Variants in STARD13 observed in about 807,000 individuals in gnomAD.
The protein encoded by STARD13 is StAR related lipid transfer domain containing 13.
STARD13 carries 62 observed loss-of-function variants against 106.4 expected under a neutral mutation model. The ratio of observed to expected loss-of-function variants is 0.58; its 90% CI spans 0.48 to 0.72. The LOEUF is 0.72. Ranked by LOEUF, STARD13 falls within the 30% of genes least tolerant of loss-of-function variation. The pLI is 0.00. For missense variants in STARD13, 1,387 were observed against 1,424.0 expected (o/e 0.97, Z 0.42); for synonymous variants, 565 against 553.0 (o/e 1.02, Z -0.31).
the STARD13 span, among the ~76,000 whole-genome samples, chr13:33,623,555 G>T: frequency 6.6e-6 from 1 of 151,708 alleles, no homozygotes; most frequent in South Asian, 2.1e-4. Flanking sequence ...TGGTAATAGG[G>T]TTATTTTCGC....
At chr13:33,337,597 C>A (rs186424089) in intron 1 of STARD13, among the ~76,000 whole-genome samples, 14 of 152,278 alleles carry the variant, frequency 9.2e-5, no homozygotes, top group Non-Finnish European at 1.5e-5. Context: ...AAAATAAACA[C>A]TTTCTTTTTT....
the STARD13 span, among the ~76,000 whole-genome samples, chr13:33,361,537 C>T: frequency 1.3e-5 from 2 of 152,150 alleles, no homozygotes; most frequent in Non-Finnish European, 2.9e-5. Flanking sequence ...TCCATACTCA[C>T]ACTGCTATAA....
chr13:33,339,811 G>A (rs1050262923), intron 1 of STARD13, among the ~76,000 whole-genome samples: 2 of 152,150 alleles, frequency 1.3e-5, no homozygotes, highest in Non-Finnish European at 2.9e-5. Context: ...CAATGGCTGG[G>A]CACGGTGGCT....
At chr13:33,158,028 A>G (rs1882186425) in intron 3 of STARD13, among the ~76,000 whole-genome samples, 1 of 152,220 alleles carries the variant, frequency 6.6e-6, no homozygotes, top group South Asian at 2.1e-4. Flanking sequence ...ACATTAATAA[A>G]AAGTGCACTT....
chr13:33,251,738 C>T (rs757586346), intron 1 of STARD13, among the ~76,000 whole-genome samples: 6 of 152,150 alleles, frequency 3.9e-5, no homozygotes, highest in Admixed American at 6.5e-5. Flanking sequence ...GTTAGTTCCT[C>T]CCTTGATGGT....
At chr13:33,667,717 T>C in the STARD13 span, among the ~76,000 whole-genome samples, 7 of 152,246 alleles carry the variant, frequency 4.6e-5, no homozygotes, top group Non-Finnish European at 8.8e-5. Flanking sequence ...TGTGAAAAGA[T>C]CCTGAATACT....
At chr13:33,535,600 T>C in the STARD13 span, among the ~76,000 whole-genome samples, 3 of 152,190 alleles carry the variant, frequency 2.0e-5, no homozygotes, top group Admixed American at 6.5e-5. Flanking sequence ...ATTAGAGATA[T>C]AACAAAGGCC....
Position 33,304,345 on chromosome 13 carries a change from G to A in STARD13, c.124+45945C>T, listed in dbSNP as rs572585769. Among the ~76,000 whole-genome samples the A allele has an allele frequency of 6.6e-5, 10 of 152,090 alleles. No homozygotes were observed. The East Asian group carries it at 1.9e-3, about 29-fold the overall frequency. The stretch of plus-strand genomic sequence containing the variant: ...GGGCTTTTAGTTCTGAAAAGACATA[G>A]GGTCTATTTTCAGATACCAAAACAC... On this transcript the variant is annotated intron_variant, in intron 1 of 5. Coordinates refer to the STARD13 transcript ENST00000567873.
intron 1 of STARD13, among the ~76,000 whole-genome samples, chr13:33,182,283 G>A (rs1885313811): frequency 1.3e-5 from 2 of 152,204 alleles, no homozygotes; most frequent in South Asian, 4.1e-4. Context: ...ACACTCAGCT[G>A]TATGAGATGC....
At chr13:33,429,956 T>TGTC in the STARD13 span, among the ~76,000 whole-genome samples, 1 of 150,408 alleles carries the variant, frequency 6.6e-6, no homozygotes, top group Non-Finnish European at 1.5e-5. Context: ...CTCGCTCTGT[T>TGTC]GCCCAGGCTG....
the STARD13 span, among the ~76,000 whole-genome samples, chr13:33,478,276 C>T: frequency 6.6e-6 from 1 of 152,112 alleles, no homozygotes; most frequent in African/African-American, 2.4e-5. Context: ...TAGCCCAAAT[C>T]CTTGGTGTTT....
the STARD13 span, among the ~76,000 whole-genome samples, chr13:33,409,675 C>T: frequency 6.6e-6 from 1 of 152,118 alleles, no homozygotes; most frequent in Non-Finnish European, 1.5e-5. Flanking sequence ...TTTCTCCCCA[C>T]CTTGGATATT....
chr13:33,324,646 A>G (rs1594264003), intron 1 of STARD13, among the ~76,000 whole-genome samples: 2 of 152,256 alleles, frequency 1.3e-5, no homozygotes, highest in African/African-American at 2.4e-5. Context: ...TATCCCCCCA[A>G]TGGACTTCAT....
At chr13:33,223,078 A>G (rs1888440787) in intron 1 of STARD13, among the ~76,000 whole-genome samples, 1 of 152,240 alleles carries the variant, frequency 6.6e-6, no homozygotes, top group African/African-American at 2.4e-5. Flanking sequence ...CCACCTGTTA[A>G]TTTAGTTAAG....
chr13:33,600,330 A>G, the STARD13 span, among the ~76,000 whole-genome samples: 10 of 152,242 alleles, frequency 6.6e-5, no homozygotes, highest in South Asian at 1.9e-3. Context: ...TCTATGAAAG[A>G]TAGTATTAAG....
rs1566006569 is a variant in STARD13, at chr13:33,129,217, T to C, written c.1460A>G (p.Asp487Gly). Residue 487 changes from aspartate (D) to glycine (G), a missense_variant, in exon 5 of 14, where the codon GAT (aspartate) becomes GGT (glycine). By Grantham distance (94) the Asp-to-Gly change is moderately conservative (BLOSUM62 -1). Coordinates refer to ENST00000336934, the MANE Select transcript of STARD13 (RefSeq NM_178006.4). The part of the protein sequence containing the change: ...LEKDDLFPHL[D>G]DILQHVNGLQ... Reference sequence around the variant, plus strand: ...CCCATTGACATGCTGCAGAATGTCATCCAAGTGAGGGAAAAGGTCATCTTT... The same window carrying C: ...CCCATTGACATGCTGCAGAATGTCACCCAAGTGAGGGAAAAGGTCATCTTT... The C allele has an allele frequency of 1.9e-6, 3 of 1,614,144 alleles. No individual in the cohort carries two copies. The highest frequency in any genetic ancestry group is 1.7e-6 in the Non-Finnish European group (2 of 1,180,014).
At chr13:33,182,463 C>A (rs1358911490) in intron 1 of STARD13, among the ~76,000 whole-genome samples, 2 of 152,200 alleles carry the variant, frequency 1.3e-5, no homozygotes, top group South Asian at 2.1e-4. Context: ...CCCTCCTCCC[C>A]ACCTCTGTCT....
chr13:33,445,756 G>A, the STARD13 span, among the ~76,000 whole-genome samples: 1 of 152,110 alleles, frequency 6.6e-6, no homozygotes, highest in Non-Finnish European at 1.5e-5. Context: ...GGGAGAGAGA[G>A]GAAGCAGAAG....
intron 1 of STARD13, among the ~76,000 whole-genome samples, chr13:33,342,041 A>C (rs1433418615): frequency 6.6e-6 from 1 of 152,158 alleles, no homozygotes; most frequent in African/African-American, 2.4e-5. Flanking sequence ...TCTGCCCGCC[A>C]CGGACAGCTT....
Sources: gnomAD v4.1 joint callset for allele counts (sites outside exome capture counted in the v4.1 genomes callset) on GRCh38, gnomAD v4.1.1 for gene constraint, MANE v1.5 for transcripts, NCBI Gene and HGNC (gene_info 2026-07-23, HGNC 2026-07-21) for gene names.